The following NUP62CL variants were observed in gnomAD, a reference collection of about 807,000 sequenced individuals.
The protein encoded by NUP62CL is nucleoporin-62 C-terminal-like protein.
A neutral mutation model predicts 15.3 loss-of-function variants in NUP62CL; 13 were observed. The observed-to-expected ratio is 0.85, with a 90% CI of 0.55 to 1.35. NUP62CL has a LOEUF of 1.35. NUP62CL is among the 40% of genes most tolerant of loss of function. The pLI, the probability that NUP62CL is intolerant of heterozygous loss-of-function variation, is 0.00. For missense variants in NUP62CL, 123 were observed against 130.6 expected (o/e 0.94, Z 0.28); for synonymous variants, 54 against 49.2 (o/e 1.10, Z -0.41).
intron 2 of NUP62CL, among the ~76,000 whole-genome samples, chrX:107,184,449 T>G (rs1927003860): frequency 9.0e-6 from 1 of 111,089 alleles, no homozygotes; most frequent in Non-Finnish European, 1.9e-5. Flanking sequence ...ATGCAAAGGT[T>G]GGTAGAAGGA....
chrX:107,136,781 C>T (rs1166681214), intron 8 of NUP62CL, among the ~76,000 whole-genome samples: 2 of 112,356 alleles, frequency 1.8e-5, no homozygotes, highest in Non-Finnish European at 3.8e-5. Context: ...AATATATCAA[C>T]GTAGGCTGGG....
intron 2 of NUP62CL, among the ~76,000 whole-genome samples, chrX:107,184,307 G>GAA (rs1339745199): frequency 7.2e-5 from 2 of 27,823 alleles, no homozygotes; most frequent in African/African-American, 5.1e-4. Flanking sequence ...AAGAAAGAAA[G>GAA]AAAGAAAGAA....
chrX:107,185,429 T>C (rs1341962707), intron 2 of NUP62CL, among the ~76,000 whole-genome samples: 1 of 110,870 alleles, frequency 9.0e-6, no homozygotes, highest in African/African-American at 3.3e-5. Flanking sequence ...GTAGAGGAAA[T>C]AGTCAAGACA....
rs377096334 is a variant in NUP62CL at position 107,185,124 on chromosome X, G to A, written c.-48+7905C>T. On this transcript the variant is annotated intron_variant, in intron 2 of 8. Coordinates refer to ENST00000372466, the MANE Select transcript of NUP62CL (RefSeq NM_017681.3). ...AGGCAGGCGAATGGCGTGTACCCCG[G>A]AGGCGGAGCTTGCAGTGAGCCGAGA... Among the ~76,000 whole-genome samples the A allele has an allele frequency of 2.7e-4, 28 of 105,005 alleles. 1 individual carries two copies. The South Asian group carries it at 0.012, about 47-fold the overall frequency. The allele number at this position is 105,005 out of a possible 115,157, so 91.2% of individuals were successfully genotyped here. A position where few individuals can be genotyped will look rare whatever the true frequency, so the allele number is the denominator to read the frequency against.
At chrX:107,204,793 A>ATTATTTAAATAAATTTTAAATAAT (rs1927602082) in intron 1 of NUP62CL, among the ~76,000 whole-genome samples, 2 of 82,814 alleles carry the variant, frequency 2.4e-5, no homozygotes, top group Non-Finnish European at 2.1e-5. Context: ...TTTTAAATAA[A>ATTATTTAAATAAATTTTAAATAAT]TTATTTAAAT....
At chrX:107,189,132 A>C (rs1034157456) in intron 2 of NUP62CL, among the ~76,000 whole-genome samples, 2 of 111,943 alleles carry the variant, frequency 1.8e-5, no homozygotes, top group South Asian at 7.4e-4. Context: ...ATCTACAAAA[A>C]TGGCTAAAAT....
chrX:107,180,475 T>C (rs1926889511), intron 2 of NUP62CL, among the ~76,000 whole-genome samples: 1 of 111,936 alleles, frequency 8.9e-6, no homozygotes, highest in Non-Finnish European at 1.9e-5. Context: ...TAAAAAATAC[T>C]GAGGAAAAAC....
chrX:107,150,140 A>C (rs1011700534), intron 7 of NUP62CL, among the ~76,000 whole-genome samples: 3 of 111,998 alleles, frequency 2.7e-5, no homozygotes, highest in African/African-American at 9.7e-5. Flanking sequence ...TTAAAATACA[A>C]TCTAACCATA....
chrX:107,137,484 A>C (rs964700317), intron 8 of NUP62CL, among the ~76,000 whole-genome samples: 1 of 111,928 alleles, frequency 8.9e-6, no homozygotes, highest in Non-Finnish European at 1.9e-5. Context: ...TCTATAAGGA[A>C]AATTCCGAGG....
At position 107,152,069 on chromosome X, in the gene NUP62CL, TATATATTCAG is replaced by T. The variant is rs1163880511; in HGVS notation, c.530+1093_530+1102del. On this transcript the variant is annotated intron_variant, in intron 7 of 8. Transcript: ENST00000372466. ...ATTCAGATATATATATATATATATA[TATATATTCAG>T]ATATATATATATATATTCAGATATA... is the stretch of plus-strand genomic sequence containing the variant. Among the ~76,000 whole-genome samples, 675 of 67,962 alleles carry T rather than the reference TATATATTCAG, an allele frequency of 9.9e-3. 29 individuals carry two copies. Among genetic ancestry groups the T allele is most frequent in the South Asian group, 0.04 (57 of 1,416 alleles). 59.0% of individuals were successfully genotyped at this position (67,962 alleles called of 115,157 possible).
rs1405995920 is a variant in NUP62CL at position 107,204,786 on chromosome X, TA to T, written c.-92+1486del. The stretch of plus-strand genomic sequence containing the variant: ...TTAAATAAATTATTTAAATAAATTT[TA>T]AATAAATTATTTAAATAAATTTTAA... On this transcript the variant is annotated intron_variant, in intron 1 of 8. Coordinates refer to ENST00000372466, the MANE Select transcript of NUP62CL (RefSeq NM_017681.3). 1.2e-3 allele frequency among the ~76,000 whole-genome samples: 107 copies of T among 87,332 alleles called. 5 individuals are homozygous for T. The highest frequency in any genetic ancestry group is 1.9e-3 in the South Asian group (4 of 2,080). 75.8% of individuals were successfully genotyped at this position (87,332 alleles called of 115,157 possible). A position where few individuals can be genotyped will look rare whatever the true frequency, so the allele number is the denominator to read the frequency against.
chrX:107,156,411 C>T (rs1364353129), intron 4 of NUP62CL, among the ~76,000 whole-genome samples: 1 of 103,633 alleles, frequency 9.6e-6, no homozygotes, highest in Admixed American at 1.0e-4. Flanking sequence ...CAGTGGTTCT[C>T]CCAGCACGCA....
chrX:107,143,736 A>C (rs181535193), intron 8 of NUP62CL, among the ~76,000 whole-genome samples: 33 of 112,212 alleles, frequency 2.9e-4, no homozygotes, highest in African/African-American at 9.0e-4. Context: ...AAAATAACAC[A>C]TCTATTACTT....
At chrX:107,125,887 G>A (rs999545603) in intron 8 of NUP62CL, among the ~76,000 whole-genome samples, 1 of 111,881 alleles carries the variant, frequency 8.9e-6, no homozygotes, top group Non-Finnish European at 1.9e-5. Context: ...TTAGCATTTT[G>A]TCATGTCTTC....
chrX:107,151,974 G>A (rs1215295622), intron 7 of NUP62CL, among the ~76,000 whole-genome samples: 1 of 99,109 alleles, frequency 1.0e-5, no homozygotes, highest in Non-Finnish European at 2.0e-5. Flanking sequence ...AGGTTGCAGT[G>A]AGCCGAGATC....
At chrX:107,172,388 C>T (rs778798485) in intron 3 of NUP62CL, among the ~76,000 whole-genome samples, 13 of 111,245 alleles carry the variant, frequency 1.2e-4, no homozygotes, top group African/African-American at 3.6e-4. Context: ...TAAGCTTAAA[C>T]GGGATTGACT....
chrX:107,140,916 G>A (rs1228064990), intron 8 of NUP62CL, among the ~76,000 whole-genome samples: 2 of 111,742 alleles, frequency 1.8e-5, no homozygotes, highest in East Asian at 5.6e-4. Context: ...TCCAGTGTAC[G>A]GTGTTTGTTT....
intron 8 of NUP62CL, among the ~76,000 whole-genome samples, chrX:107,137,954 G>T (rs1286206360): frequency 9.0e-6 from 1 of 111,431 alleles, no homozygotes; most frequent in Non-Finnish European, 1.9e-5. Context: ...TGAAAGCATT[G>T]GGGGAAAGAC....
intron 8 of NUP62CL, among the ~76,000 whole-genome samples, chrX:107,129,562 G>A (rs1351874402): frequency 8.9e-6 from 1 of 112,436 alleles, no homozygotes; most frequent in Non-Finnish European, 1.9e-5. Flanking sequence ...TCTCTAGCCA[G>A]GAGCTGGAAG....
Sources: allele counts gnomAD v4.1 joint callset (sites outside exome capture counted in the v4.1 genomes callset), GRCh38; gene constraint gnomAD v4.1.1; transcripts MANE v1.5; gene names NCBI Gene and HGNC (gene_info 2026-07-23, HGNC 2026-07-21).